The following YPEL4 variants were observed in gnomAD, a reference collection of about 807,000 sequenced individuals.
The protein encoded by YPEL4 is protein yippee-like 4.
YPEL4 carries 5 observed loss-of-function variants against 16.3 expected under a neutral mutation model. That is an observed-to-expected ratio of 0.31 (90% CI 0.16 to 0.64). The LOEUF (loss-of-function observed/expected upper bound fraction) is 0.64, where lower values mean the gene tolerates loss of function less well. Among genes scored for constraint, YPEL4 ranks in the 30% least tolerant of loss-of-function variants. The probability of loss-of-function intolerance (pLI) is 0.79; values close to 1 mark genes in which losing one functional copy is unlikely to be tolerated. For synonymous variants in YPEL4, 61 were observed against 60.7 expected (o/e 1.00, Z -0.02); for missense variants, 127 against 170.0 (o/e 0.75, Z 1.41).
chr11:57,646,916 G>C (rs1208926542), intron 2 of YPEL4, 51 bp downstream of exon 2: 1 of 1,574,532 alleles, frequency 6.4e-7, no homozygotes, highest in Non-Finnish European at 8.6e-7. Context: ...TGATGTTCAG[G>C]CTAGCCTGGT....
In YPEL4 at chr11:57,645,479, T is replaced by G. The variant is rs1393933502; in HGVS notation, c.*502A>C. The G allele has an allele frequency of 6.4e-6, 1 of 156,142 alleles. No homozygotes were observed. Among genetic ancestry groups the G allele is most frequent in the East Asian group, 1.9e-4 (1 of 5,218 alleles). 9.7% of individuals were successfully genotyped at this position (156,142 alleles called of 1,614,324 possible). A position where few individuals can be genotyped will look rare whatever the true frequency, so the allele number is the denominator to read the frequency against. Reference sequence around the variant, plus strand: ...GCACTCAAGTCCTTTTCCCTACAAATAGGGGTAGGAAACTTCATCCTCAGA... The same window carrying G: ...GCACTCAAGTCCTTTTCCCTACAAAGAGGGGTAGGAAACTTCATCCTCAGA... On this transcript the variant is annotated 3_prime_UTR_variant, in exon 5 of 5. Transcript: ENST00000300022.
intron 4 of YPEL4, 57 bp from the exon 5 acceptor site, chr11:57,646,127 T>A: frequency 6.3e-7 from 1 of 1,598,876 alleles, no homozygotes; most frequent in Non-Finnish European, 8.6e-7. Context: ...CAGGCCCCAC[T>A]GTCACCTGTA....
At chr11:57,648,579 T>A (rs1269006634) in intron 1 of YPEL4, 1 of 152,330 alleles carries the variant, frequency 6.6e-6, no homozygotes, top group Non-Finnish European at 1.5e-5. Context: ...CAGTGTTGGC[T>A]CTGGTTAGCC....
Position 57,646,769 on chromosome 11 carries a change from G to C in YPEL4, c.167C>G (p.Ala56Gly). Residue 56 changes from alanine (A) to glycine (G), a missense_variant, in exon 3 of 5, where the codon GCC becomes GGC. Ala to Gly is a moderately conservative substitution (Grantham distance 60). Coordinates refer to ENST00000300022, the MANE Select transcript of YPEL4 (RefSeq NM_145008.3). ...SKSFQGSHGR[A>G]YLFNSVVNVG... ...GACTCACACGGAGTTAAACAGGTAG[G>C]CTCGGCCATGGCTCCCTTGGAAGGA... 1 of 1,613,986 alleles carries C rather than the reference G, an allele frequency of 6.2e-7. No homozygotes were observed. The highest frequency in any genetic ancestry group is 8.5e-7 in the Non-Finnish European group (1 of 1,179,970).
At chr11:57,648,604 C>T (rs998921892) in intron 1 of YPEL4, 3 of 152,518 alleles carry the variant, frequency 2.0e-5, no homozygotes, top group Non-Finnish European at 4.4e-5. Context: ...CATACAGGCT[C>T]TCCTCGTCCT....
rs775989442 is a variant in YPEL4 at position 57,646,053 on chromosome 11, C to T, written c.312G>A (p.Thr104=). ...ATTTCCCTTCCTTGTACTTCTGGCT[C>T]GTCTCAAAAGCTTGCTCCTGGTGAA... ...LGWKYEQAFE[T]SQKYKEGKYI... The change falls in exon 5 of 5, where the codon ACG becomes ACA. Residue 104 remains threonine (T), a synonymous_variant. Coordinates refer to ENST00000300022, the MANE Select transcript of YPEL4 (RefSeq NM_145008.3). The T allele has an allele frequency of 3.2e-5, 52 of 1,614,028 alleles. No homozygotes were observed. The highest frequency in any genetic ancestry group is 4.2e-5 in the Non-Finnish European group (49 of 1,180,046).
At chr11:57,646,842 C>G (rs1945735945) in intron 2 of YPEL4, 48 bp from the exon 3 acceptor site, 1 of 1,610,966 alleles carries the variant, frequency 6.2e-7, no homozygotes, top group Non-Finnish European at 8.5e-7. Context: ...CCTTCAGCCC[C>G]ACTGCCTGAA....
Position 57,645,967 on chromosome 11 carries a change from C to T in YPEL4, c.*14G>A. ...AGGGGCATGCGGAGGAAGGGCACAC[C>T]CTGCCTGAGCCCCTCAGTCCCAGCC... On this transcript the variant is annotated 3_prime_UTR_variant, in exon 5 of 5. Transcript: ENST00000300022. 1 of 1,612,958 alleles carries T rather than the reference C, an allele frequency of 6.2e-7. No homozygotes were observed. The highest frequency in any genetic ancestry group is 8.5e-7 in the Non-Finnish European group (1 of 1,179,452).
chr11:57,646,365 G>A lies in YPEL4; in HGVS notation c.226C>T (p.Leu76Phe), dbSNP rs1330892894. ...GCGPAEQRLLLTGLHSVADIF... is the reference protein window; with the variant it reads ...GCGPAEQRLLFTGLHSVADIF... ...TCAGCTACCGAGTGGAGCCCCGTGAGCAAGAGGCGCTGTTCAGCTGGCCCG... is the reference window on the plus strand; with the variant it reads ...TCAGCTACCGAGTGGAGCCCCGTGAACAAGAGGCGCTGTTCAGCTGGCCCG... Residue 76 changes from leucine (L) to phenylalanine (F), a missense_variant, in exon 4 of 5, where the codon CTC (leucine) becomes TTC (phenylalanine). Coordinates refer to ENST00000300022, the MANE Select transcript of YPEL4 (RefSeq NM_145008.3). The A allele has an allele frequency of 1.2e-6, 2 of 1,614,042 alleles. No homozygotes were observed. Among genetic ancestry groups the A allele is most frequent in the East Asian group, 2.2e-5 (1 of 44,886 alleles).
chr11:57,649,740 C>G lies in YPEL4; in HGVS notation c.-240G>C, dbSNP rs914499447. The G allele has an allele frequency of 6.9e-6, 1 of 145,530 alleles. No individual in the cohort carries two copies. Among genetic ancestry groups the G allele is most frequent in the Non-Finnish European group, 1.5e-5 (1 of 67,106 alleles). The allele number at this position is 145,530 out of a possible 1,614,324, so 9.0% of individuals were successfully genotyped here. A position where few individuals can be genotyped will look rare whatever the true frequency, so the allele number is the denominator to read the frequency against. On this transcript the variant is annotated 5_prime_UTR_variant, in exon 1 of 5. Transcript: ENST00000300022. ...TCTCTCTCTCTCTCTCTCAATCTCTCAATCTCTCTGCTCACTCTTCTCTCT... is the reference window on the plus strand; with the variant it reads ...TCTCTCTCTCTCTCTCTCAATCTCTGAATCTCTCTGCTCACTCTTCTCTCT...
At position 57,647,794 on chromosome 11, in the gene YPEL4, A is replaced by C. The variant is rs1364256210; in HGVS notation, c.-184-503T>G. 1 of 152,090 alleles carries C rather than the reference A, an allele frequency of 6.6e-6. No homozygotes were observed. Among genetic ancestry groups the C allele is most frequent in the Non-Finnish European group, 1.5e-5 (1 of 68,050 alleles). The allele number at this position is 152,090 out of a possible 1,614,324, so 9.4% of individuals were successfully genotyped here. On this transcript the variant is annotated intron_variant, in intron 1 of 4. Transcript: ENST00000300022. This position sits in a 1 kb window ranked among gnomAD's most constrained non-coding sequence, Gnocchi z 4.2. The stretch of plus-strand genomic sequence containing the variant: ...GGAGGGGGGCAGGAGGTGTAAGGTG[A>C]GGGGAGGGAGAGCATGCAGGCAGGT...
Position 57,646,361 on chromosome 11 carries a change from G to C in YPEL4, c.230C>G (p.Thr77Arg), listed in dbSNP as rs1945730008. ...AATGTCAGCTACCGAGTGGAGCCCC[G>C]TGAGCAAGAGGCGCTGTTCAGCTGG... The part of the protein sequence containing the change: ...CGPAEQRLLL[T>R]GLHSVADIFC... The change falls in exon 4 of 5, where the codon ACG becomes AGG. Residue 77 changes from threonine (T) to arginine (R), a missense_variant. Transcript: ENST00000300022. 6.2e-7 allele frequency: 1 copy of C among 1,614,004 alleles called. No individual in the cohort carries two copies. Among genetic ancestry groups the C allele is most frequent in the South Asian group, 1.1e-5 (1 of 91,086 alleles).
intron 3 of YPEL4, 49 bp from the exon 4 acceptor site, chr11:57,646,454 C>CTGG: frequency 1.2e-6 from 2 of 1,604,280 alleles, no homozygotes; most frequent in Non-Finnish European, 1.7e-6. Flanking sequence ...GTTGCACTGT[C>CTGG]AGTCCAGTCC....
intron 3 of YPEL4, 57 bp from the exon 4 acceptor site, chr11:57,646,462 TC>T: frequency 5.6e-6 from 9 of 1,594,244 alleles, no homozygotes; most frequent in Non-Finnish European, 7.7e-6. Flanking sequence ...GTCAGTCCAG[TC>T]CCCAGACAGC....
At position 57,646,982 on chromosome 11, in the gene YPEL4, A is replaced by G. The variant is rs1945738133; in HGVS notation, c.126T>C (p.Asp42=). ...VHCRAHLAKH[D]ELISKSFQGS... ...CTTCGCGTACCTTGGAAATAAGCTC[A>G]TCGTGTTTGGCCAGGTGTGCACGGC... Residue 42 remains aspartate (D), a synonymous_variant, in exon 2 of 5, where the codon GAT becomes GAC. Coordinates refer to ENST00000300022, the MANE Select transcript of YPEL4 (RefSeq NM_145008.3). 4.4e-6 allele frequency: 7 copies of G among 1,582,480 alleles called. No homozygotes were observed. Among genetic ancestry groups the G allele is most frequent in the Non-Finnish European group, 6.0e-6 (7 of 1,163,388 alleles).
chr11:57,648,470 A>T (rs1468202895), intron 1 of YPEL4: 1 of 152,264 alleles, frequency 6.6e-6, no homozygotes, highest in Non-Finnish European at 1.5e-5. Flanking sequence ...TTTCTCCTTC[A>T]TAGGGCTTCC....
Position 57,647,919 on chromosome 11 carries a change from A to G in YPEL4, c.-184-628T>C, listed in dbSNP as rs1373200876. 6.6e-6 allele frequency: 1 copy of G among 152,168 alleles called. No individual in the cohort carries two copies. The highest frequency in any genetic ancestry group is 1.5e-5 in the Non-Finnish European group (1 of 68,072). 9.4% of individuals were successfully genotyped at this position (152,168 alleles called of 1,614,324 possible). ...TGTTTCCAACAGTACCAAAGCCCTC[A>G]CGTGTGGCCGCCCATTCTCGCACCT... On this transcript the variant is annotated intron_variant, in intron 1 of 4. Coordinates refer to ENST00000300022, the MANE Select transcript of YPEL4 (RefSeq NM_145008.3). This position sits in a 1 kb window ranked among gnomAD's most constrained non-coding sequence, Gnocchi z 4.2.
chr11:57,645,974 G>C lies in YPEL4; in HGVS notation c.*7C>G. 1 of 1,613,570 alleles carries C rather than the reference G, an allele frequency of 6.2e-7. No individual in the cohort carries two copies. The highest frequency in any genetic ancestry group is 8.5e-7 in the Non-Finnish European group (1 of 1,179,782). On this transcript the variant is annotated 3_prime_UTR_variant, in exon 5 of 5. Coordinates refer to ENST00000300022, the MANE Select transcript of YPEL4 (RefSeq NM_145008.3). ...TGCGGAGGAAGGGCACACCCTGCCTGAGCCCCTCAGTCCCAGCCGTTGTCC... is the reference window on the plus strand; with the variant it reads ...TGCGGAGGAAGGGCACACCCTGCCTCAGCCCCTCAGTCCCAGCCGTTGTCC...
In YPEL4 at chr11:57,647,396, C is replaced by T. The variant is rs1945745616; in HGVS notation, c.-184-105G>A. On this transcript the variant is annotated intron_variant, in intron 1 of 4. Transcript: ENST00000300022. The surrounding 1 kb of genome is among the most constrained non-coding windows in gnomAD (Gnocchi z 4.2). The stretch of plus-strand genomic sequence containing the variant: ...AGCTCACCCATACCTCTACTTTCCC[C>T]ATCACCATCGACCCCCCCACAGCAT... 2 of 303,216 alleles carry T rather than the reference C, an allele frequency of 6.6e-6. No homozygotes were observed. The highest frequency in any genetic ancestry group is 1.2e-5 in the Non-Finnish European group (2 of 164,970). The allele number at this position is 303,216 out of a possible 1,614,324, so 18.8% of individuals were successfully genotyped here. A position where few individuals can be genotyped will look rare whatever the true frequency, so the allele number is the denominator to read the frequency against.
Sources: gnomAD v4.1 joint callset for allele counts on GRCh38, gnomAD v4.1.1 for gene constraint, Gnocchi (gnomAD v3.1) non-coding constraint, MANE v1.5 for transcripts, NCBI Gene and HGNC (gene_info 2026-07-23, HGNC 2026-07-21) for gene names.